Variants in TXLNB observed in about 807,000 individuals in gnomAD.
TXLNB encodes the protein taxilin beta, also known as beta-taxilin.
In TXLNB, 37 loss-of-function variants were observed where a neutral mutation model predicts 57.4. That is an observed-to-expected ratio of 0.64 (90% confidence interval 0.50 to 0.85). The LOEUF is 0.85. Ranked by LOEUF, TXLNB falls within the 40% of genes least tolerant of loss-of-function variation. The probability of loss-of-function intolerance (pLI) is 0.00; values close to 1 mark genes in which losing one functional copy is unlikely to be tolerated. For missense variants in TXLNB, 848 were observed against 825.6 expected, an observed-to-expected ratio of 1.03 and a Z score of -0.33; for synonymous variants, 302 against 309.6, an observed-to-expected ratio of 0.98 and a Z score of 0.26.
intron 5 of TXLNB, among the ~76,000 whole-genome samples, chr6:139,261,994 C>T (rs568637181): frequency 1.3e-5 from 2 of 149,614 alleles, no homozygotes; most frequent in Non-Finnish European, 3.0e-5. Flanking sequence ...ACCTCCACCT[C>T]CTGGGTTCAA....
the TXLNB span, among the ~76,000 whole-genome samples, chr6:139,173,632 G>A: frequency 3.3e-5 from 5 of 152,166 alleles, no homozygotes; most frequent in Admixed American, 2.0e-4. Context: ...GTTATACGTT[G>A]CCTGGGCAGA....
intron 4 of TXLNB, among the ~76,000 whole-genome samples, chr6:139,265,921 C>G (rs757998045): frequency 2.6e-5 from 4 of 151,914 alleles, no homozygotes; most frequent in South Asian, 4.2e-4. Flanking sequence ...GGAAGATCAC[C>G]CAAAAAAAGA....
the TXLNB span, among the ~76,000 whole-genome samples, chr6:139,226,332 TAG>T: frequency 0.64 from 79,208 of 123,890 alleles, 25,173 homozygotes; most frequent in East Asian, 0.81. Flanking sequence ...AAAAAAGAGA[TAG>T]AGAGAGAGAG....
chr6:139,224,570 T>C, the TXLNB span, among the ~76,000 whole-genome samples: 1 of 151,882 alleles, frequency 6.6e-6, no homozygotes, highest in East Asian at 1.9e-4. Context: ...GAGTGGAAAA[T>C]ACTGCAGATA....
At chr6:139,291,858 G>A (rs935160098) in intron 1 of TXLNB, 63 bp downstream of exon 1, 5 of 152,048 alleles carry the variant, frequency 3.3e-5, no homozygotes, top group African/African-American at 9.7e-5. Flanking sequence ...TGCAAGTTTC[G>A]AACACCACAA....
the TXLNB span, among the ~76,000 whole-genome samples, chr6:139,314,041 G>T: frequency 6.6e-6 from 1 of 152,114 alleles, no homozygotes; most frequent in Non-Finnish European, 1.5e-5. Context: ...AACCTGACCC[G>T]AGTATAGCAT....
chr6:139,219,335 C>T, the TXLNB span, among the ~76,000 whole-genome samples: 2 of 152,180 alleles, frequency 1.3e-5, no homozygotes, highest in South Asian at 4.1e-4. Context: ...GACAAGCAGG[C>T]CTGAGCTGAC....
At chr6:139,306,994 T>G in the TXLNB span, among the ~76,000 whole-genome samples, 1 of 152,234 alleles carries the variant, frequency 6.6e-6, no homozygotes, top group African/African-American at 2.4e-5. Context: ...TTCACTAGTA[T>G]CTCTATTTGG....
At chr6:139,177,299 A>G in the TXLNB span, 1 of 464,184 alleles carries the variant, frequency 2.2e-6, no homozygotes, top group Non-Finnish European at 3.9e-6. This position sits in a 1 kb window ranked among gnomAD's most constrained non-coding sequence, Gnocchi z 4.9. Flanking sequence ...GGTTTTGACC[A>G]GAGCCCAGAT....
the TXLNB span, among the ~76,000 whole-genome samples, chr6:139,228,026 A>C: frequency 6.6e-6 from 1 of 152,188 alleles, no homozygotes; most frequent in Non-Finnish European, 1.5e-5. Context: ...GTTTTTAAAG[A>C]TATGTTGAGA....
the TXLNB span, among the ~76,000 whole-genome samples, chr6:139,193,929 C>T: frequency 5.4e-5 from 8 of 148,618 alleles, no homozygotes; most frequent in South Asian, 1.5e-3. Flanking sequence ...GCAAGCTCCA[C>T]CTCCCGGGTT....
intron 6 of TXLNB, among the ~76,000 whole-genome samples, chr6:139,259,074 A>C (rs1473491174): frequency 6.6e-6 from 1 of 152,074 alleles, no homozygotes; most frequent in African/African-American, 2.4e-5. Flanking sequence ...TGTTGATTTC[A>C]CATTGAAAAC....
the TXLNB span, among the ~76,000 whole-genome samples, chr6:139,314,506 T>C: frequency 2.0e-5 from 3 of 152,236 alleles, no homozygotes; most frequent in Non-Finnish European, 4.4e-5. Context: ...CTACCTTACA[T>C]GCACTGATGG....
the TXLNB span, chr6:139,166,630 C>T: frequency 6.2e-7 from 1 of 1,614,186 alleles, no homozygotes; most frequent in Non-Finnish European, 8.5e-7. Context: ...AGAAGTCTGG[C>T]TCCGAGAAGA....
chr6:139,169,315 CTTTA>C, the TXLNB span, among the ~76,000 whole-genome samples: 5 of 151,810 alleles, frequency 3.3e-5, no homozygotes, highest in African/African-American at 1.2e-4. Flanking sequence ...CTATTCATCT[CTTTA>C]TTCTGCTTTA....
chr6:139,262,954 T>C (rs1471141775), intron 4 of TXLNB, among the ~76,000 whole-genome samples, 181 bp from the exon 5 acceptor site: 1 of 152,216 alleles, frequency 6.6e-6, no homozygotes, highest in African/African-American at 2.4e-5. Flanking sequence ...TGTGAGTACA[T>C]AGTTACTCAG....
chr6:139,295,729 C>T (rs1336205890), upstream of TXLNB, among the ~76,000 whole-genome samples: 2 of 151,954 alleles, frequency 1.3e-5, no homozygotes, highest in African/African-American at 4.8e-5. Flanking sequence ...CTTCATTTTC[C>T]CCACAAAATT....
chr6:139,277,358 G>A (rs1033411900), intron 2 of TXLNB, among the ~76,000 whole-genome samples: 5 of 152,182 alleles, frequency 3.3e-5, no homozygotes, highest in East Asian at 3.8e-4. Flanking sequence ...ACAGCAACAC[G>A]GAGTTGCTGG....
chr6:139,211,100 A>C, the TXLNB span, among the ~76,000 whole-genome samples: 7 of 152,224 alleles, frequency 4.6e-5, no homozygotes, highest in African/African-American at 1.7e-4. Context: ...TGTAGTCTTA[A>C]ATGTCCCTGT....
Sources: gnomAD v4.1 joint callset for allele counts (sites outside exome capture counted in the v4.1 genomes callset) on GRCh38, gnomAD v4.1.1 for gene constraint, Gnocchi (gnomAD v3.1) non-coding constraint, MANE v1.5 for transcripts, NCBI Gene and HGNC (gene_info 2026-07-23, HGNC 2026-07-21) for gene names.